The following MDH1B variants were observed in gnomAD, a reference collection of about 807,000 sequenced individuals.
The protein encoded by MDH1B is putative malate dehydrogenase 1B.
A neutral mutation model predicts 61.4 loss-of-function variants in MDH1B; 60 were observed. The ratio of observed to expected loss-of-function variants is 0.98; its 90% confidence interval spans 0.79 to 1.21. The LOEUF (loss-of-function observed/expected upper bound fraction) is 1.21. MDH1B is among the 50% of genes most tolerant of loss of function. The pLI is 0.00. For missense variants in MDH1B, 587 were observed against 632.1 expected (o/e 0.93, Z 0.76); for synonymous variants, 236 against 218.7 (o/e 1.08, Z -0.70).
rs755608919 is a variant in MDH1B, at chr2:206,749,134, TG to T, written c.1101del (p.Thr368GlnfsTer14). ...AAAATGCCTCCAAATTGTCTTCCTG[TG>T]GTGGTCAAGTTTTTAAGAATTGCCA... ...EFVAILKNLT[T>X]TGRQFGGILA... On this transcript the variant is annotated frameshift_variant, in exon 7 of 12. Coordinates refer to ENST00000374412, the MANE Select transcript of MDH1B (RefSeq NM_001039845.3). LOFTEE classifies it high-confidence loss of function. 10 of 1,614,016 alleles carry T rather than the reference TG, an allele frequency of 6.2e-6. No homozygotes were observed. The African/African-American group carries it at 1.3e-4, about 22-fold the overall frequency.
chr2:206,741,989 C>T (rs1257680306), intron 9 of MDH1B, among the ~76,000 whole-genome samples: 1 of 152,128 alleles, frequency 6.6e-6, no homozygotes, highest in Non-Finnish European at 1.5e-5. Flanking sequence ...CCATGAGAGG[C>T]AGGGAGTTTA....
rs1462980018 is a variant in MDH1B, at chr2:206,738,631, G to A, written c.1529-120C>T. ...TTCATGATTCAATAGCTGAGAAAGT[G>A]CATGTGTGAGAGTGATTCTATGGGG... On this transcript the variant is annotated intron_variant, in intron 11 of 11. Transcript: ENST00000374412. 4.8e-6 allele frequency: 3 copies of A among 623,776 alleles called. No homozygotes were observed. The East Asian group carries it at 8.7e-5, about 18-fold the overall frequency. 38.6% of individuals were successfully genotyped at this position (623,776 alleles called of 1,614,324 possible). A position where few individuals can be genotyped will look rare whatever the true frequency, so the allele number is the denominator to read the frequency against.
intron 7 of MDH1B, among the ~76,000 whole-genome samples, chr2:206,747,960 C>G (rs1010809558): frequency 2.6e-5 from 4 of 152,162 alleles, no homozygotes; most frequent in African/African-American, 7.2e-5. Context: ...GCAGAGAGGT[C>G]CAGGTCTGCA....
Position 206,746,322 on chromosome 2 carries a change from G to A in MDH1B, c.1321C>T (p.Gln441Ter). ...TDLKDVEISEQIMTRMTSDLI... is the reference protein window; with the variant it reads ...TDLKDVEISE ...TCACTTGTCATTCGGGTCATTATTT[G>A]TTCACTTATTTCAACATCTTTGAGA... Residue 441 changes from glutamine to a stop codon, truncating the protein, a stop_gained, in exon 8 of 12, where the codon CAA becomes TAA. Transcript: ENST00000374412. LOFTEE classifies it high-confidence loss of function. 1.9e-6 allele frequency: 3 copies of A among 1,613,670 alleles called. No individual in the cohort carries two copies. Among genetic ancestry groups the A allele is most frequent in the Non-Finnish European group, 2.5e-6 (3 of 1,179,846 alleles).
chr2:206,755,694 C>G (rs1688721513), intron 4 of MDH1B, among the ~76,000 whole-genome samples, 189 bp from the exon 5 acceptor site: 4 of 152,088 alleles, frequency 2.6e-5, no homozygotes, highest in Admixed American at 2.6e-4. Context: ...ACTACCAATC[C>G]CTTGCTCTGG....
chr2:206,751,624 G>A (rs1468290389), intron 5 of MDH1B, among the ~76,000 whole-genome samples: 1 of 152,160 alleles, frequency 6.6e-6, no homozygotes, highest in Non-Finnish European at 1.5e-5. Context: ...TCTATTCTAT[G>A]TGTGAGACAC....
chr2:206,748,439 G>C lies in MDH1B; in HGVS notation c.1216+581C>G, dbSNP rs372730740. 2.0e-5 allele frequency among the ~76,000 whole-genome samples: 3 copies of C among 152,148 alleles called. No individual in the cohort carries two copies. The East Asian group carries it at 5.8e-4, about 29-fold the overall frequency. ...AGTTTTTAGCGGATTAAAACATTAG[G>C]GCTGTAAAAGTTTATATGCAGTATT... On this transcript the variant is annotated intron_variant, in intron 7 of 11. Coordinates refer to ENST00000374412, the MANE Select transcript of MDH1B (RefSeq NM_001039845.3).
chr2:206,756,906 C>T lies in MDH1B; in HGVS notation c.405G>A (p.Trp135Ter). The T allele has an allele frequency of 6.2e-7, 1 of 1,614,152 alleles. No individual in the cohort carries two copies. The highest frequency in any genetic ancestry group is 8.5e-7 in the Non-Finnish European group (1 of 1,180,030). The change falls in exon 4 of 12, where the codon TGG becomes TGA. Residue 135 changes from tryptophan (W) to a stop codon, truncating the protein, a stop_gained. Coordinates refer to ENST00000374412, the MANE Select transcript of MDH1B (RefSeq NM_001039845.3). LOFTEE classifies it high-confidence loss of function. ...LKTCINPLQVWITSASAPACY... is the reference protein window; with the variant it reads ...LKTCINPLQV Reference sequence around the variant, plus strand: ...GGATTTGACTGTCCCACCTGGTGATCCAGACCTGCAAGGGGTTGATGCAAG... The same window carrying T: ...GGATTTGACTGTCCCACCTGGTGATTCAGACCTGCAAGGGGTTGATGCAAG...
intron 1 of MDH1B, among the ~76,000 whole-genome samples, chr2:206,761,879 G>A (rs915949915): frequency 2.6e-4 from 39 of 152,066 alleles, no homozygotes; most frequent in Admixed American, 5.2e-4. Flanking sequence ...ACCCTGTCTA[G>A]TTCAAATCTA....
At chr2:206,759,078 C>G (rs1688942624) in intron 2 of MDH1B, among the ~76,000 whole-genome samples, 1 of 151,522 alleles carries the variant, frequency 6.6e-6, no homozygotes, top group Admixed American at 6.6e-5. Context: ...TATTTCATCA[C>G]CCAGGTATTC....
In MDH1B at chr2:206,765,210, C is replaced by A. The variant is rs376219995; in HGVS notation, c.22+40G>T. ...GCCATGGGAGGTGAGCTGTTGTCGG[C>A]GTTTTGAGCAATCTGCGGGCGGACG... is the stretch of plus-strand genomic sequence containing the variant. On this transcript the variant is annotated intron_variant, in intron 1 of 11. Transcript: ENST00000374412. The A allele has an allele frequency of 4.6e-4, 729 of 1,596,168 alleles. 4 individuals are homozygous for A. Among genetic ancestry groups the A allele is most frequent in the Non-Finnish European group, 4.4e-4 (515 of 1,174,042 alleles).
chr2:206,744,027 A>T (rs368664080), intron 9 of MDH1B, among the ~76,000 whole-genome samples: 17 of 152,310 alleles, frequency 1.1e-4, no homozygotes, highest in African/African-American at 3.8e-4. Context: ...GGTTCTCTCC[A>T]TCTAGAAATC....
intron 9 of MDH1B, 151 bp from the exon 10 acceptor site, chr2:206,741,255 A>G (rs747626162): frequency 2.7e-5 from 26 of 961,208 alleles, no homozygotes; most frequent in African/African-American, 5.0e-5. Context: ...CAATGTGTAC[A>G]TTTGTGTACA....
intron 4 of MDH1B, 100 bp from the exon 5 acceptor site, chr2:206,755,605 G>T: frequency 7.1e-7 from 1 of 1,415,444 alleles, no homozygotes. Flanking sequence ...CAATAGGGTG[G>T]TTTAATATTT....
At chr2:206,757,150 G>C in intron 3 of MDH1B, 87 bp downstream of exon 3, 1 of 1,507,558 alleles carries the variant, frequency 6.6e-7, no homozygotes, top group Non-Finnish European at 9.0e-7. Flanking sequence ...AGAGACATGA[G>C]AGAATGTCTC....
chr2:206,760,940 A>G lies in MDH1B; in HGVS notation c.96T>C (p.Phe32=), dbSNP rs1314581302. 6.2e-7 allele frequency: 1 copy of G among 1,613,040 alleles called. No homozygotes were observed. The highest frequency in any genetic ancestry group is 1.3e-5 in the African/African-American group (1 of 75,012). ...GACGTTGTGTGATTTTATGTATCCG[A>G]AAATCAGGAAGATTCTTTTGTAAAT... is the stretch of plus-strand genomic sequence containing the variant. The part of the protein sequence containing the change: ...ADYLQKNLPD[F]RIHKITQRPE... The change falls in exon 2 of 12, where the codon TTT becomes TTC. Residue 32 remains phenylalanine (F), a synonymous_variant. Coordinates refer to ENST00000374412, the MANE Select transcript of MDH1B (RefSeq NM_001039845.3).
Position 206,741,079 on chromosome 2 carries a change from T to G in MDH1B, c.1434A>C (p.Glu478Asp), listed in dbSNP as rs1187309813. ...QSGHKDLVPDEEKNLAMSDAA... is the reference protein window; with the variant it reads ...QSGHKDLVPDDEKNLAMSDAA... Reference sequence around the variant, plus strand: ...CATCTGACATAGCTAGATTTTTTTCTTCATCAGGGACCAGATCTTTATGTC... The same window carrying G: ...CATCTGACATAGCTAGATTTTTTTCGTCATCAGGGACCAGATCTTTATGTC... Residue 478 changes from glutamate (E) to aspartate (D), a missense_variant, in exon 10 of 12, where the codon GAA (glutamate) becomes GAC (aspartate). Glu to Asp is a conservative substitution (Grantham distance 45, BLOSUM62 2). Coordinates refer to ENST00000374412, the MANE Select transcript of MDH1B (RefSeq NM_001039845.3). 1 of 1,613,148 alleles carries G rather than the reference T, an allele frequency of 6.2e-7. No individual in the cohort carries two copies. The highest frequency in any genetic ancestry group is 1.1e-5 in the South Asian group (1 of 91,068).
chr2:206,755,995 T>C (rs1008257877), intron 4 of MDH1B, among the ~76,000 whole-genome samples: 4 of 151,526 alleles, frequency 2.6e-5, no homozygotes, highest in African/African-American at 9.7e-5. Context: ...GGGATCAACA[T>C]AGGCTATGTA....
Position 206,756,740 on chromosome 2 carries a change from G to C in MDH1B, c.413+158C>G, listed in dbSNP as rs138515378. On this transcript the variant is annotated intron_variant, in intron 4 of 11. Transcript: ENST00000374412. ...TGGAGGATACAAACACACACACACA[G>C]AGATGCATATGTATATGTGTATACA... 487 of 664,134 alleles carry C rather than the reference G, an allele frequency of 7.3e-4. 2 individuals carry two copies. The African/African-American group carries it at 7.5e-3, about 10-fold the overall frequency. The allele number at this position is 664,134 out of a possible 1,614,324, so 41.1% of individuals were successfully genotyped here.
Sources: allele counts gnomAD v4.1 joint callset (sites outside exome capture counted in the v4.1 genomes callset), GRCh38; gene constraint gnomAD v4.1.1; transcripts MANE v1.5; gene names NCBI Gene and HGNC (gene_info 2026-07-23, HGNC 2026-07-21).